The following LMNA variants were observed in gnomAD, a reference collection of about 807,000 sequenced individuals.
LMNA encodes lamin A/C, also known as lamin.
In LMNA, 20 loss-of-function variants were observed where a neutral mutation model predicts 70.4. That is an observed-to-expected ratio of 0.28 (90% confidence interval 0.20 to 0.41). The LOEUF (loss-of-function observed/expected upper bound fraction) is 0.41, where lower values mean the gene tolerates loss of function less well. Among genes scored for constraint, LMNA ranks in the 10% least tolerant of loss-of-function variants. The pLI, the probability that LMNA is intolerant of heterozygous loss-of-function variation, is 1.00. For missense variants in LMNA, 652 were observed against 917.2 expected (o/e 0.71, Z 3.73); for synonymous variants, 339 against 372.8 (o/e 0.91, Z 1.04).
At chr1:156,126,345 C>T in intron 1 of LMNA, 1 of 817,716 alleles carries the variant, frequency 1.2e-6, no homozygotes, top group Non-Finnish European at 1.9e-6. Context: ...GTCCCTCTTG[C>T]TTCTCCCCCA....
At chr1:156,126,571 C>T (rs1381722503) in intron 1 of LMNA, 3 of 801,848 alleles carry the variant, frequency 3.7e-6, no homozygotes, top group African/African-American at 1.7e-5. Context: ...CCCCAAGGGC[C>T]CGGGCCTGCT....
chr1:156,127,755 C>T (rs1650722628), intron 1 of LMNA, among the ~76,000 whole-genome samples: 1 of 150,742 alleles, frequency 6.6e-6, no homozygotes, highest in Non-Finnish European at 1.5e-5. Flanking sequence ...GGTACAATCT[C>T]AACTCACTAC....
At chr1:156,117,274 G>A (rs140823357) in intron 1 of LMNA, among the ~76,000 whole-genome samples, 99 of 150,036 alleles carry the variant, frequency 6.6e-4, no homozygotes, top group African/African-American at 2.3e-3. Flanking sequence ...TTGCTTTGTT[G>A]CCCAGGCTGG....
At chr1:156,107,503 G>T (rs576369955) in intron 3 of LMNA, among the ~76,000 whole-genome samples, 1 of 152,244 alleles carries the variant, frequency 6.6e-6, no homozygotes, top group Non-Finnish European at 1.5e-5. Context: ...GAGCCCAGGG[G>T]CCTCCTGGAA....
chr1:156,088,346 C>T (rs988647146), intron 2 of LMNA, among the ~76,000 whole-genome samples: 1 of 151,824 alleles, frequency 6.6e-6, no homozygotes, highest in Non-Finnish European at 1.5e-5. Context: ...ACCAGCAGTC[C>T]AAACCTCACT....
rs1372108861 is a variant in LMNA, at chr1:156,137,647, C to G, written c.1609-7C>G. On this transcript the variant is annotated splice_polypyrimidine_tract_variant and splice_region_variant and intron_variant, in intron 9 of 11. Transcript: ENST00000368300. The surrounding 1 kb of genome is among the most constrained non-coding windows in gnomAD (Gnocchi z 4.6). ...GACCCTTGGACCTGGTTCCATGTCC[C>G]CACCAGGAAGTGGCCATGCGCAAGC... is the stretch of plus-strand genomic sequence containing the variant. The G allele has an allele frequency of 6.4e-7, 1 of 1,551,792 alleles. No homozygotes were observed. Among genetic ancestry groups the G allele is most frequent in the Non-Finnish European group, 8.7e-7 (1 of 1,146,846 alleles).
rs1651896186 is a variant in LMNA, at chr1:156,138,950, C to G, written c.1969-130C>G. On this transcript the variant is annotated intron_variant, in intron 11 of 11. Transcript: ENST00000368300. This position sits in a 1 kb window ranked among gnomAD's most constrained non-coding sequence, Gnocchi z 5.5. Reference sequence around the variant, plus strand: ...CTGCCCCTCTTGTCTGAGCCCCAGACTGGAGGGCAGGGGCAGGGCTGGAGT... The same window carrying G: ...CTGCCCCTCTTGTCTGAGCCCCAGAGTGGAGGGCAGGGGCAGGGCTGGAGT... The G allele has an allele frequency of 7.6e-7, 1 of 1,310,168 alleles. No homozygotes were observed. The highest frequency in any genetic ancestry group is 1.2e-5 in the South Asian group (1 of 83,528). The allele number at this position is 1,310,168 out of a possible 1,614,324, so 81.2% of individuals were successfully genotyped here. A position where few individuals can be genotyped will look rare whatever the true frequency, so the allele number is the denominator to read the frequency against.
chr1:156,109,701 T>C (rs1293658620), upstream of LMNA: 1 of 152,046 alleles, frequency 6.6e-6, no homozygotes, highest in African/African-American at 2.4e-5. Context: ...ATGGACCCAG[T>C]TGAGAATGTA....
chr1:156,134,725 G>A lies in LMNA; in HGVS notation c.640-80G>A. 1 of 1,589,960 alleles carries A rather than the reference G, an allele frequency of 6.3e-7. No individual in the cohort carries two copies. The highest frequency in any genetic ancestry group is 8.6e-7 in the Non-Finnish European group (1 of 1,159,378). ...GTGGCTCATGGAGTAGGGCTGGGCA[G>A]GGAGCCCCGCCCCTGGGTCTTGGCC... On this transcript the variant is annotated intron_variant, in intron 3 of 11. Transcript: ENST00000368300. The surrounding 1 kb of genome is among the most constrained non-coding windows in gnomAD (Gnocchi z 5.3).
chr1:156,120,921 C>T (rs1286910835), intron 1 of LMNA, among the ~76,000 whole-genome samples: 1 of 151,992 alleles, frequency 6.6e-6, no homozygotes. Context: ...TGAAAGGAAG[C>T]TGTGCCTTTT....
intron 1 of LMNA, among the ~76,000 whole-genome samples, chr1:156,128,754 G>T (rs1650794262): frequency 6.6e-6 from 1 of 152,186 alleles, no homozygotes; most frequent in Non-Finnish European, 1.5e-5. Context: ...AAGGGAGAGG[G>T]TTGAGCTGAA....
intron 1 of LMNA, among the ~76,000 whole-genome samples, chr1:156,125,357 G>A (rs1304097935): frequency 2.6e-5 from 4 of 152,152 alleles, no homozygotes; most frequent in Middle Eastern, 3.2e-3. Context: ...AAGACGCCCT[G>A]TCACATGGCG....
In LMNA at chr1:156,134,606, G is replaced by C; in HGVS notation, c.639+78G>C. 1.9e-6 allele frequency: 3 copies of C among 1,598,846 alleles called. No homozygotes were observed. Among genetic ancestry groups the C allele is most frequent in the Non-Finnish European group, 8.6e-7 (1 of 1,169,108 alleles). On this transcript the variant is annotated intron_variant, in intron 3 of 11. Transcript: ENST00000368300. This position sits in a 1 kb window ranked among gnomAD's most constrained non-coding sequence, Gnocchi z 5.3. The stretch of plus-strand genomic sequence containing the variant: ...TGGGCTGGGCTAGGGGGGACCAGCT[G>C]TGTGCAGAGCTCGCCTTCCTGAGTC...
chr1:156,126,937 G>T, intron 1 of LMNA: 2 of 1,567,112 alleles, frequency 1.3e-6, no homozygotes, highest in South Asian at 2.4e-5. Flanking sequence ...AGGATTTCCC[G>T]ACCCCTGCCC....
In LMNA at chr1:156,103,606, C is replaced by T. The variant is rs771813647; in HGVS notation, c.-206-11107C>T. 5.3e-5 allele frequency among the ~76,000 whole-genome samples: 8 copies of T among 152,114 alleles called. No individual in the cohort carries two copies. The highest frequency in any genetic ancestry group is 2.0e-4 in the Admixed American group (3 of 15,282). ...CCCTCCTTGCAAGCCCTCATTCGGG[C>T]GGGGAGAAGGAAGGGGTCCTGGACT... is the stretch of plus-strand genomic sequence containing the variant. On this transcript the variant is annotated intron_variant, in intron 3 of 12. Transcript: ENST00000368301. The surrounding 1 kb of genome is among the most constrained non-coding windows in gnomAD (Gnocchi z 4.7).
chr1:156,095,770 A>G (rs1202270713), intron 3 of LMNA, among the ~76,000 whole-genome samples: 2 of 152,126 alleles, frequency 1.3e-5, no homozygotes, highest in African/African-American at 4.8e-5. Flanking sequence ...CCACACTTCT[A>G]ATTAATTCTT....
chr1:156,137,077 G>A lies in LMNA; in HGVS notation c.1489-36G>A, dbSNP rs1651709203. On this transcript the variant is annotated intron_variant, in intron 8 of 11. Coordinates refer to ENST00000368300, the MANE Select transcript of LMNA (RefSeq NM_170707.4). The surrounding 1 kb of genome is among the most constrained non-coding windows in gnomAD (Gnocchi z 4.6). The stretch of plus-strand genomic sequence containing the variant: ...TCTGGGGAGGCCTTGGGTGGCGATG[G>A]GAGCGCTGGGGTAAGTGTCCTTTTC... The A allele has an allele frequency of 1.2e-6, 2 of 1,614,122 alleles. No individual in the cohort carries two copies. Among genetic ancestry groups the A allele is most frequent in the Non-Finnish European group, 1.7e-6 (2 of 1,179,986 alleles).
chr1:156,138,466 T>C lies in LMNA; in HGVS notation c.1699-22T>C. ...TCAGTCCCAGACTCGCCGTCCCGCC[T>C]GAGCCTTGTCTCCCTTCCCAGGGCT... is the stretch of plus-strand genomic sequence containing the variant. On this transcript the variant is annotated intron_variant, in intron 10 of 11. Coordinates refer to ENST00000368300, the MANE Select transcript of LMNA (RefSeq NM_170707.4). This position sits in a 1 kb window ranked among gnomAD's most constrained non-coding sequence, Gnocchi z 5.5. The C allele has an allele frequency of 2.5e-6, 4 of 1,609,994 alleles. No homozygotes were observed. The highest frequency in any genetic ancestry group is 3.4e-6 in the Non-Finnish European group (4 of 1,179,100).
chr1:156,092,549 G>A (rs1238218737), intron 3 of LMNA, among the ~76,000 whole-genome samples: 1 of 151,610 alleles, frequency 6.6e-6, no homozygotes, highest in African/African-American at 2.4e-5. Context: ...CGTGGTGGTG[G>A]GTACCTGTAA....
Sources: gnomAD v4.1 joint callset for allele counts (sites outside exome capture counted in the v4.1 genomes callset) on GRCh38, gnomAD v4.1.1 for gene constraint, Gnocchi (gnomAD v3.1) non-coding constraint, MANE v1.5 for transcripts, NCBI Gene and HGNC (gene_info 2026-07-23, HGNC 2026-07-21) for gene names.